IL1RAPL1: variants seen among roughly 807,000 people sequenced by gnomAD.
IL1RAPL1 encodes interleukin 1 receptor accessory protein like 1, also known as interleukin-1 receptor accessory protein-like 1.
A neutral mutation model predicts 48.4 loss-of-function variants in IL1RAPL1; 3 were observed. The observed-to-expected ratio is 0.06, with a 90% CI of 0.03 to 0.16. IL1RAPL1 has a LOEUF of 0.16. Among genes scored for constraint, IL1RAPL1 ranks in the 10% least tolerant of loss-of-function variants. IL1RAPL1 has a pLI of 1.00. For synonymous variants in IL1RAPL1, 185 were observed against 187.7 expected (o/e 0.99, Z 0.12); for missense variants, 349 against 530.6 (o/e 0.66, Z 3.36).
intron 1 of IL1RAPL1, among the ~76,000 whole-genome samples, chrX:28,788,553 A>G (rs1936497234): frequency 9.2e-6 from 1 of 109,006 alleles, no homozygotes; most frequent in African/African-American, 3.4e-5. Context: ...TGCAGCCTTG[A>G]CCTCCCAGGC....
At position 29,195,497 on chromosome X, in the gene IL1RAPL1, C is replaced by G. The variant is rs934077222; in HGVS notation, c.83-87441C>G. ...GTACTTGGGATAAGTACTTTTATCT[C>G]TCCAATATAGTAAATTCACCAATAT... is the stretch of plus-strand genomic sequence containing the variant. On this transcript the variant is annotated intron_variant, in intron 2 of 10. Coordinates refer to ENST00000378993, the MANE Select transcript of IL1RAPL1 (RefSeq NM_014271.4). Among the ~76,000 whole-genome samples the G allele has an allele frequency of 1.8e-5, 2 of 109,693 alleles. 1 individual carries two copies. Among genetic ancestry groups the G allele is most frequent in the South Asian group, 7.9e-4 (2 of 2,528 alleles).
intron 6 of IL1RAPL1, among the ~76,000 whole-genome samples, chrX:29,837,468 C>A (rs1055397920): frequency 1.8e-5 from 2 of 108,815 alleles, no homozygotes; most frequent in South Asian, 4.0e-4. Context: ...ACCAACATTA[C>A]CCCATTTTGT....
chrX:29,084,692 A>G (rs1209528970), intron 2 of IL1RAPL1, among the ~76,000 whole-genome samples: 1 of 112,058 alleles, frequency 8.9e-6, no homozygotes, highest in Non-Finnish European at 1.9e-5. Context: ...AAAGTACGTG[A>G]TCATTTATTC....
At chrX:29,372,188 A>G (rs767977149) in intron 3 of IL1RAPL1, among the ~76,000 whole-genome samples, 1 of 112,231 alleles carries the variant, frequency 8.9e-6, no homozygotes, top group African/African-American at 3.2e-5. Flanking sequence ...GATGATGAGC[A>G]TTTGTTCATA....
chrX:29,100,287 A>G (rs368377781), intron 2 of IL1RAPL1, among the ~76,000 whole-genome samples: 1 of 112,405 alleles, frequency 8.9e-6, no homozygotes, highest in African/African-American at 3.2e-5. Flanking sequence ...TTTACAAATC[A>G]GACAGCCCTC....
At chrX:29,761,667 C>T (rs968033710) in intron 6 of IL1RAPL1, among the ~76,000 whole-genome samples, 5 of 111,345 alleles carry the variant, frequency 4.5e-5, no homozygotes, top group Admixed American at 1.9e-4. Flanking sequence ...CATTGCCTGG[C>T]ATTTCCTCAG....
chrX:29,276,191 A>G (rs1001533834), intron 2 of IL1RAPL1, among the ~76,000 whole-genome samples: 3 of 111,885 alleles, frequency 2.7e-5, no homozygotes, highest in African/African-American at 9.8e-5. Flanking sequence ...GTGTCCAACA[A>G]GTGTCCCAAA....
intron 3 of IL1RAPL1, among the ~76,000 whole-genome samples, chrX:29,328,862 T>C (rs1932861621): frequency 9.0e-6 from 1 of 110,860 alleles, no homozygotes; most frequent in African/African-American, 3.3e-5. Flanking sequence ...GTCGTATGCT[T>C]TTCCTCTCAT....
chrX:29,246,639 G>A (rs374472335), intron 2 of IL1RAPL1, among the ~76,000 whole-genome samples: 57 of 111,625 alleles, frequency 5.1e-4, no homozygotes, highest in Admixed American at 4.3e-3. Context: ...GAATACTTTT[G>A]CTTTCAAGTA....
chrX:29,381,095 A>G (rs1933691127), intron 3 of IL1RAPL1, among the ~76,000 whole-genome samples: 1 of 111,049 alleles, frequency 9.0e-6, no homozygotes, highest in Admixed American at 9.6e-5. Flanking sequence ...AAGTAAAGAG[A>G]GTAGCTTAGA....
At chrX:29,476,531 T>C (rs1202060097) in intron 5 of IL1RAPL1, among the ~76,000 whole-genome samples, 3 of 111,724 alleles carry the variant, frequency 2.7e-5, no homozygotes, top group Non-Finnish European at 5.6e-5. Context: ...GCAGGGTATC[T>C]GGTACAGTAT....
chrX:28,601,847 G>A (rs1353489118), intron 1 of IL1RAPL1, among the ~76,000 whole-genome samples: 3 of 110,664 alleles, frequency 2.7e-5, no homozygotes, highest in Non-Finnish European at 5.7e-5. Context: ...GTTCATGCCT[G>A]GAATCCCAGC....
intron 1 of IL1RAPL1, among the ~76,000 whole-genome samples, chrX:28,779,638 A>G (rs56922419): frequency 0.12 from 4,561 of 38,585 alleles, 261 homozygotes; most frequent in South Asian, 0.16. Context: ...GTGTGTGTAT[A>G]TATATATATA....
At chrX:28,799,822 T>C (rs1270375851) in intron 2 of IL1RAPL1, among the ~76,000 whole-genome samples, 1 of 111,735 alleles carries the variant, frequency 8.9e-6, no homozygotes, top group Non-Finnish European at 1.9e-5. Context: ...GTTATATTGA[T>C]GGTGTCGCCA....
chrX:28,933,302 C>T (rs1193800268), intron 2 of IL1RAPL1, among the ~76,000 whole-genome samples: 2 of 111,038 alleles, frequency 1.8e-5, no homozygotes, highest in African/African-American at 3.3e-5. Flanking sequence ...GGAGTTCTCT[C>T]CCCCATTGCA....
At chrX:28,955,931 C>G (rs1411705998) in intron 2 of IL1RAPL1, among the ~76,000 whole-genome samples, 1 of 90,617 alleles carries the variant, frequency 1.1e-5, no homozygotes, top group Non-Finnish European at 2.2e-5. Context: ...TGTTTGTATC[C>G]TCTTTTATTT....
rs192566154 is a variant in IL1RAPL1 at position 29,463,621 on chromosome X, G to A, written c.703+64313G>A. ...ATTCTGGATAAAAATTTAATGGAAT[G>A]TGTTAGAAGGCTTAAGTGAGATATT... On this transcript the variant is annotated intron_variant, in intron 5 of 10. Coordinates refer to ENST00000378993, the MANE Select transcript of IL1RAPL1 (RefSeq NM_014271.4). Among the ~76,000 whole-genome samples the A allele has an allele frequency of 2.1e-4, 24 of 112,072 alleles. No individual in the cohort carries two copies. In the East Asian group the frequency reaches 3.3e-3, roughly 16 times the overall value.
chrX:29,649,729 A>G (rs1412761821), intron 5 of IL1RAPL1, among the ~76,000 whole-genome samples: 1 of 111,506 alleles, frequency 9.0e-6, no homozygotes, highest in Non-Finnish European at 1.9e-5. Context: ...CACTACTTCT[A>G]TTCAACATAG....
At chrX:28,692,566 T>A (rs745487792) in intron 1 of IL1RAPL1, among the ~76,000 whole-genome samples, 1 of 111,687 alleles carries the variant, frequency 9.0e-6, no homozygotes, top group South Asian at 3.8e-4. Context: ...TAGAAGCCAC[T>A]CAATAAATAG....
Sources: gnomAD v4.1 joint callset for allele counts (sites outside exome capture counted in the v4.1 genomes callset) on GRCh38, gnomAD v4.1.1 for gene constraint, MANE v1.5 for transcripts, NCBI Gene and HGNC (gene_info 2026-07-23, HGNC 2026-07-21) for gene names.